MINK1: variants seen among roughly 807,000 people sequenced by gnomAD.
The protein encoded by MINK1 is misshapen like kinase 1.
A neutral mutation model predicts 178.4 loss-of-function variants in MINK1; 46 were observed. That is an observed-to-expected ratio of 0.26 (90% CI 0.20 to 0.33). The LOEUF (loss-of-function observed/expected upper bound fraction) is 0.33. Among genes scored for constraint, MINK1 ranks in the 10% least tolerant of loss-of-function variants. The pLI is 1.00. For missense variants in MINK1, 1,366 were observed against 1,814.9 expected, an observed-to-expected ratio of 0.75 and a Z score of 4.49; for synonymous variants, 797 against 709.7, an observed-to-expected ratio of 1.12 and a Z score of -1.96.
chr17:4,860,826 G>C, intron 1 of MINK1: 3 of 518,536 alleles, frequency 5.8e-6, no homozygotes, highest in Non-Finnish European at 1.2e-5. Flanking sequence ...ACCAGTGCGC[G>C]CCACGTGCTG....
In MINK1 at chr17:4,836,879, TA is replaced by T. The variant is rs1236609276; in HGVS notation, c.57+3243del. ...ACATATATATTCCTGTCAGCCCCAC[TA>T]AAATGTCAGTTCAGTGGCCGGGTGT... On this transcript the variant is annotated intron_variant, in intron 1 of 31. Coordinates refer to ENST00000355280, the MANE Select transcript of MINK1 (RefSeq NM_153827.5). The surrounding 1 kb of genome is among the most constrained non-coding windows in gnomAD (Gnocchi z 4.3). Among the ~76,000 whole-genome samples the T allele has an allele frequency of 6.6e-6, 1 of 151,952 alleles. No homozygotes were observed. Among genetic ancestry groups the T allele is most frequent in the African/African-American group, 2.4e-5 (1 of 41,348 alleles).
chr17:4,849,865 G>T (rs1597395563), intron 1 of MINK1, among the ~76,000 whole-genome samples: 2 of 152,152 alleles, frequency 1.3e-5, no homozygotes, highest in Admixed American at 1.3e-4. Context: ...GAGCCACCGC[G>T]CCCGGCTGGT....
intron 2 of MINK1, among the ~76,000 whole-genome samples, chr17:4,878,941 G>T (rs576224201): frequency 6.6e-6 from 1 of 152,366 alleles, no homozygotes; most frequent in Admixed American, 6.5e-5. Flanking sequence ...CAGCCCTCTC[G>T]TGTGGCCTGA....
At chr17:4,871,956 C>T (rs1436665755) in intron 1 of MINK1, among the ~76,000 whole-genome samples, 1 of 152,176 alleles carries the variant, frequency 6.6e-6, no homozygotes, top group Non-Finnish European at 1.5e-5. Flanking sequence ...ATAGGATCCT[C>T]CTGCCTCAGC....
chr17:4,890,167 C>G, intron 13 of MINK1: 2 of 892,580 alleles, frequency 2.2e-6, no homozygotes, highest in Non-Finnish European at 3.0e-6. Context: ...CTGCCCTCCT[C>G]TGCCTCTTCC....
At position 4,893,505 on chromosome 17, in the gene MINK1, G is replaced by C. The variant is rs373735228; in HGVS notation, c.2472G>C (p.Ser824=). 6.3e-7 allele frequency: 1 copy of C among 1,599,578 alleles called. No individual in the cohort carries two copies. Among genetic ancestry groups the C allele is most frequent in the Non-Finnish European group, 8.6e-7 (1 of 1,168,894 alleles). ...CTCCCAAGAAGGCCATGGACTACTC[G>C]TCGTCCAGCGAGGAGGTGGAAAGCA... The part of the protein sequence containing the change: ...PRPPKKAMDY[S]SSSEEVESSE... The change falls in exon 21 of 32, where the codon TCG becomes TCC. Residue 824 remains serine, a synonymous_variant. Coordinates refer to ENST00000355280, the MANE Select transcript of MINK1 (RefSeq NM_153827.5).
intron 1 of MINK1, among the ~76,000 whole-genome samples, chr17:4,840,019 T>C (rs1248383762): frequency 6.6e-6 from 1 of 151,676 alleles, no homozygotes; most frequent in African/African-American, 2.4e-5. Flanking sequence ...TAGTGAAAAC[T>C]TTAACATGCC....
At chr17:4,839,162 CT>C (rs1909788052) in intron 1 of MINK1, among the ~76,000 whole-genome samples, 1 of 152,206 alleles carries the variant, frequency 6.6e-6, no homozygotes, top group Non-Finnish European at 1.5e-5. Flanking sequence ...CCAGGATGGT[CT>C]TGATCTCCTG....
In MINK1 at chr17:4,894,165, G is replaced by A; in HGVS notation, c.2671-9G>A. On this transcript the variant is annotated splice_polypyrimidine_tract_variant and intron_variant, in intron 22 of 31. Coordinates refer to ENST00000355280, the MANE Select transcript of MINK1 (RefSeq NM_153827.5). This position sits in a 1 kb window ranked among gnomAD's most constrained non-coding sequence, Gnocchi z 4.1. ...CAGCCCCACGCCAACCCTGCCCTCT[G>A]TCCTGTAGACCCCTGAAGAGGAGCG... 1 of 1,613,398 alleles carries A rather than the reference G, an allele frequency of 6.2e-7. No homozygotes were observed. The highest frequency in any genetic ancestry group is 2.2e-5 in the East Asian group (1 of 44,848).
chr17:4,892,123 C>T lies in MINK1; in HGVS notation c.2002-26C>T, dbSNP rs145600998. ...AGAAGTGCCTGTCGCAGCGCCAGCT[C>T]GCAGCACGTGGACTTCTCTCCACAG... On this transcript the variant is annotated intron_variant, in intron 16 of 31. Transcript: ENST00000355280. 616 of 1,560,102 alleles carry T rather than the reference C, an allele frequency of 3.9e-4. 3 individuals carry two copies. The African/African-American group carries it at 7.1e-3, about 18-fold the overall frequency.
At position 4,896,478 on chromosome 17, in the gene MINK1, A is replaced by G; in HGVS notation, c.3665A>G (p.Asp1222Gly). ...GCCATCATCTTCCTCCCCAACACCG[A>G]CGGCATGGAGATGCTGCTGTGCTAC... ...PHAIIFLPNT[D>G]GMEMLLCYED... The change falls in exon 30 of 32, where the codon GAC (aspartate) becomes GGC (glycine). Residue 1222 changes from aspartate (D) to glycine (G), a missense_variant. Physicochemically the swap from Asp to Gly is moderately conservative, Grantham distance 94. This residue lies in a region of MINK1 where 201 missense variants were observed against 240.7 expected (regional missense o/e 0.84). Transcript: ENST00000355280. The surrounding 1 kb of genome is among the most constrained non-coding windows in gnomAD (Gnocchi z 4.6). 1 of 1,613,736 alleles carries G rather than the reference A, an allele frequency of 6.2e-7. No homozygotes were observed. The highest frequency in any genetic ancestry group is 8.5e-7 in the Non-Finnish European group (1 of 1,179,806).
At chr17:4,855,968 C>CT (rs996353183) in intron 1 of MINK1, among the ~76,000 whole-genome samples, 6 of 148,950 alleles carry the variant, frequency 4.0e-5, no homozygotes, top group Admixed American at 1.3e-4. Context: ...AAGCGAGACT[C>CT]TATCTCAAAA....
intron 21 of MINK1, 152 bp downstream of exon 21, chr17:4,893,749 C>T: frequency 1.7e-6 from 2 of 1,192,424 alleles, no homozygotes; most frequent in Non-Finnish European, 2.3e-6. Flanking sequence ...CTGTCTCTCT[C>T]CCGCTGCCCT....
chr17:4,874,993 CTTAGA>C (rs2150964120), intron 1 of MINK1: 1 of 512,706 alleles, frequency 2.0e-6, no homozygotes, highest in East Asian at 5.5e-5. Context: ...TATTTTCCCT[CTTAGA>C]TTAGGAGTGT....
chr17:4,889,799 C>T, intron 13 of MINK1, 36 bp downstream of exon 13: 1 of 1,443,034 alleles, frequency 6.9e-7, no homozygotes. Context: ...CCCTCCCGCC[C>T]TCCCGCTCCT....
At chr17:4,867,812 A>G (rs566240642) in intron 1 of MINK1, among the ~76,000 whole-genome samples, 6 of 152,260 alleles carry the variant, frequency 3.9e-5, no homozygotes, top group Admixed American at 3.9e-4. Context: ...ACTGTCTCCA[A>G]AAAAGAAAAA....
chr17:4,847,918 A>G (rs1235911396), intron 1 of MINK1, among the ~76,000 whole-genome samples: 2 of 152,150 alleles, frequency 1.3e-5, no homozygotes, highest in Non-Finnish European at 2.9e-5. Context: ...ACAGTGGCTC[A>G]TGCTTGTACT....
intron 1 of MINK1, among the ~76,000 whole-genome samples, chr17:4,860,054 A>C (rs1272562226): frequency 1.3e-5 from 2 of 151,494 alleles, no homozygotes; most frequent in Non-Finnish European, 2.9e-5. Context: ...AGCGGGGTAC[A>C]GGGGGAAGGG....
At chr17:4,837,567 T>C (rs2150727121) in intron 1 of MINK1, among the ~76,000 whole-genome samples, 1 of 152,376 alleles carries the variant, frequency 6.6e-6, no homozygotes, top group South Asian at 2.1e-4. Context: ...CCTCTGTGTC[T>C]AAGCTTGGTT....
Sources: allele counts gnomAD v4.1 joint callset (sites outside exome capture counted in the v4.1 genomes callset), GRCh38; gene constraint gnomAD v4.1.1; regional missense constraint gnomAD v4.1.1; non-coding constraint Gnocchi (gnomAD v3.1); transcripts MANE v1.5; gene names NCBI Gene and HGNC (gene_info 2026-07-23, HGNC 2026-07-21).